The following NHS variants were observed in gnomAD, a reference collection of about 807,000 sequenced individuals.
NHS encodes actin remodeling regulator NHS.
In NHS, 5 loss-of-function variants were observed where a neutral mutation model predicts 72.5. The ratio of observed to expected loss-of-function variants is 0.07; its 90% CI spans 0.04 to 0.14. The LOEUF is 0.14. NHS is among the 10% of genes least tolerant of loss of function. The pLI is 1.00. For missense variants in NHS, 1,072 were observed against 1,355.7 expected (o/e 0.79, Z 3.29); for synonymous variants, 464 against 547.7 (o/e 0.85, Z 2.13).
chrX:17,679,813 G>C (rs1451195917), intron 1 of NHS, among the ~76,000 whole-genome samples: 4 of 101,062 alleles, frequency 4.0e-5, no homozygotes, highest in Non-Finnish European at 6.0e-5. Flanking sequence ...CTGAATACCT[G>C]AGTACACTGA....
In NHS at chrX:17,375,407, C is replaced by T; in HGVS notation, c.-351C>T. On this transcript the variant is annotated 5_prime_UTR_variant, in exon 1 of 9. It adds an upstream start codon to the 5' untranslated region. Transcript: ENST00000676302. The stretch of plus-strand genomic sequence containing the variant: ...CGCCCATTTATATAGGCGGCGGCGA[C>T]GGCAGTGGCCGGGGTGGCGACGGCG... 2.6e-6 allele frequency: 1 copy of T among 388,872 alleles called. No homozygotes were observed. Among genetic ancestry groups the T allele is most frequent in the South Asian group, 5.7e-5 (1 of 17,410 alleles). 32.0% of individuals were successfully genotyped at this position (388,872 alleles called of 1,213,427 possible). A position where few individuals can be genotyped will look rare whatever the true frequency, so the allele number is the denominator to read the frequency against.
chrX:17,721,948 G>T (rs1238246662), intron 5 of NHS, among the ~76,000 whole-genome samples: 2 of 111,855 alleles, frequency 1.8e-5, no homozygotes, highest in Non-Finnish European at 3.8e-5. Flanking sequence ...AATGATGTGT[G>T]GCACTGCAAG....
At chrX:17,586,616 C>G (rs1162464413) in intron 1 of NHS, 2 of 112,346 alleles carry the variant, frequency 1.8e-5, no homozygotes, top group Non-Finnish European at 3.8e-5. Context: ...TATCGAAGAT[C>G]TGAGAATGTT....
chrX:17,670,475 T>C (rs2066037783), intron 1 of NHS, among the ~76,000 whole-genome samples: 2 of 112,718 alleles, frequency 1.8e-5, no homozygotes, highest in African/African-American at 6.4e-5. Context: ...CTGTGCTATG[T>C]CTACACAGGA....
chrX:17,669,004 A>C (rs1209826652), intron 1 of NHS, among the ~76,000 whole-genome samples: 1 of 112,207 alleles, frequency 8.9e-6, no homozygotes, highest in Non-Finnish European at 1.9e-5. Flanking sequence ...AATCATGAGA[A>C]GCAGCCTTCT....
At chrX:17,728,917 A>C (rs775432231) in intron 8 of NHS, 142 bp downstream of exon 8, 5 of 822,572 alleles carry the variant, frequency 6.1e-6, no homozygotes, top group Non-Finnish European at 8.9e-6. Flanking sequence ...GCAAAGAATA[A>C]TTTTTCCAAA....
chrX:17,716,135 A>G (rs1332322604), intron 3 of NHS, among the ~76,000 whole-genome samples: 1 of 111,470 alleles, frequency 9.0e-6, no homozygotes, highest in East Asian at 2.8e-4. Context: ...ACAACTGAAA[A>G]GTCTGTGCTT....
At chrX:17,420,714 C>T (rs1290272006) in intron 1 of NHS, among the ~76,000 whole-genome samples, 1 of 111,938 alleles carries the variant, frequency 8.9e-6, no homozygotes, top group Non-Finnish European at 1.9e-5. Flanking sequence ...AGCTCAAAAT[C>T]CAAGCAAGGA....
At chrX:17,542,066 G>T (rs2065266817) in intron 1 of NHS, among the ~76,000 whole-genome samples, 1 of 112,290 alleles carries the variant, frequency 8.9e-6, no homozygotes, top group South Asian at 3.7e-4. Flanking sequence ...GACATCTAAA[G>T]CTTCAAAAGA....
At chrX:17,505,580 C>T (rs1472940528) in intron 1 of NHS, among the ~76,000 whole-genome samples, 9 of 110,354 alleles carry the variant, frequency 8.2e-5, no homozygotes, top group South Asian at 3.8e-4. Context: ...ATACAGATTA[C>T]GCCTTCTTAT....
In NHS at chrX:17,489,687, CTG is replaced by C. The variant is rs909745670; in HGVS notation, c.565+113369_565+113370del. 2.7e-5 allele frequency among the ~76,000 whole-genome samples: 3 copies of C among 111,952 alleles called. No individual in the cohort carries two copies. The Admixed American group carries it at 2.8e-4, about 11-fold the overall frequency. ...TATTTTTAGTAGAGACAGGGTTTCA[CTG>C]TGTTAGCCAGGATTGTCTCCATCTC... On this transcript the variant is annotated intron_variant, in intron 1 of 8. Transcript: ENST00000676302.
chrX:17,547,695 G>T (rs891248534), intron 1 of NHS, among the ~76,000 whole-genome samples: 1 of 112,813 alleles, frequency 8.9e-6, no homozygotes, highest in Non-Finnish European at 1.9e-5. Context: ...AGAGGTGGTG[G>T]CTATGGGGAA....
intron 1 of NHS, among the ~76,000 whole-genome samples, chrX:17,556,619 G>A (rs1378735699): frequency 8.9e-6 from 1 of 112,894 alleles, no homozygotes; most frequent in Non-Finnish European, 1.9e-5. Flanking sequence ...ATGGAGAGAA[G>A]TTAAGTAATT....
intron 1 of NHS, among the ~76,000 whole-genome samples, chrX:17,648,276 A>G (rs2065915192): frequency 9.0e-6 from 1 of 111,723 alleles, no homozygotes; most frequent in Non-Finnish European, 1.9e-5. Context: ...AGATGGGGGT[A>G]GGGGACAACT....
chrX:17,460,420 A>G (rs1019191929), intron 1 of NHS, among the ~76,000 whole-genome samples: 7 of 111,768 alleles, frequency 6.3e-5, no homozygotes, highest in Admixed American at 4.8e-4. Flanking sequence ...ACATTGCTGC[A>G]GGCAAGAGAG....
intron 5 of NHS, among the ~76,000 whole-genome samples, chrX:17,723,726 GGTGTGT>G (rs3222310): frequency 1.4e-3 from 97 of 71,070 alleles, no homozygotes; most frequent in East Asian, 5.1e-3. Flanking sequence ...CAGCAAAAGA[GGTGTGT>G]GTGTGTGTGT....
intron 1 of NHS, among the ~76,000 whole-genome samples, chrX:17,522,411 TG>T (rs2065152494): frequency 9.3e-6 from 1 of 107,914 alleles, no homozygotes; most frequent in African/African-American, 3.4e-5. Flanking sequence ...GAACCTGTCT[TG>T]GGAGTGGGGC....
chrX:17,409,157 A>C, intron 1 of NHS, among the ~76,000 whole-genome samples: 1 of 112,470 alleles, frequency 8.9e-6, no homozygotes, highest in Non-Finnish European at 1.9e-5. Context: ...ACAAACAATC[A>C]GTTCATAACA....
At chrX:17,546,145 T>C (rs1185013895) in intron 1 of NHS, among the ~76,000 whole-genome samples, 1 of 111,860 alleles carries the variant, frequency 8.9e-6, no homozygotes, top group Admixed American at 9.5e-5. Flanking sequence ...TGAGACTGGC[T>C]CAGGGACTGC....
Sources: allele counts gnomAD v4.1 joint callset (sites outside exome capture counted in the v4.1 genomes callset), GRCh38; gene constraint gnomAD v4.1.1; transcripts MANE v1.5; gene names NCBI Gene and HGNC (gene_info 2026-07-23, HGNC 2026-07-21).